CEMIP: variants seen among roughly 807,000 people sequenced by gnomAD.
CEMIP encodes the protein cell migration inducing hyaluronidase 1, also known as cell migration-inducing and hyaluronan-binding protein.
CEMIP carries 105 observed loss-of-function variants against 156.9 expected under a neutral mutation model. The observed-to-expected ratio is 0.67, with a 90% CI of 0.57 to 0.79. The LOEUF (loss-of-function observed/expected upper bound fraction) is 0.79. Among genes scored for constraint, CEMIP ranks in the 30% least tolerant of loss-of-function variants. The pLI, the probability that CEMIP is intolerant of heterozygous loss-of-function variation, is 0.00. For synonymous variants in CEMIP, 676 were observed against 668.4 expected, an observed-to-expected ratio of 1.01 and a Z score of -0.17; for missense variants, 1,457 against 1,769.4, an observed-to-expected ratio of 0.82 and a Z score of 3.17.
rs988758327 is a variant in CEMIP, at chr15:80,906,963, G to T, written c.1587+125G>T. The T allele has an allele frequency of 3.6e-5, 38 of 1,047,560 alleles. No individual in the cohort carries two copies. The highest frequency in any genetic ancestry group is 4.3e-6 in the Non-Finnish European group (3 of 697,482). The allele number at this position is 1,047,560 out of a possible 1,614,324, so 64.9% of individuals were successfully genotyped here. ...CAGGAGGTGGGATCAAGGGGAGGGC[G>T]CCTTCTGGAAGTTTGAGAAGTCTTA... is the stretch of plus-strand genomic sequence containing the variant. On this transcript the variant is annotated intron_variant, in intron 13 of 29. Coordinates refer to ENST00000394685, the MANE Select transcript of CEMIP (RefSeq NM_001293298.2). This position sits in a 1 kb window ranked among gnomAD's most constrained non-coding sequence, Gnocchi z 4.3.
intron 26 of CEMIP, 41 bp from the exon 27 acceptor site, chr15:80,942,210 C>A: frequency 6.4e-7 from 1 of 1,574,116 alleles, no homozygotes; most frequent in African/African-American, 1.3e-5. Context: ...GGAATGACTA[C>A]CCAAACCTAA....
rs1422586507 is a variant in CEMIP, at chr15:80,895,030, T to A, written c.1127T>A (p.Val376Asp). Residue 376 changes from valine to aspartate, a missense_variant, in exon 11 of 30, where the codon GTC (valine) becomes GAC (aspartate). Coordinates refer to ENST00000394685, the MANE Select transcript of CEMIP (RefSeq NM_001293298.2). ...MDGVNLSTEV[V>D]YKKGQDYRFA... ...GGAGTTAACCTCAGCACCGAGGTTG[T>A]CTACAAAAAAGGCCAGGATTATAGG... 1.2e-6 allele frequency: 2 copies of A among 1,614,028 alleles called. No homozygotes were observed. The highest frequency in any genetic ancestry group is 3.3e-5 in the Admixed American group (2 of 60,004).
At chr15:80,842,432 G>A (rs1897446290) in intron 1 of CEMIP, among the ~76,000 whole-genome samples, 1 of 152,084 alleles carries the variant, frequency 6.6e-6, no homozygotes, top group Admixed American at 6.6e-5. Context: ...GCAAGGTTGA[G>A]GATAAAGAGA....
intron 1 of CEMIP, among the ~76,000 whole-genome samples, chr15:80,864,906 G>C (rs1898084988): frequency 6.6e-6 from 1 of 152,178 alleles, no homozygotes; most frequent in Non-Finnish European, 1.5e-5. Flanking sequence ...AGTAGGTCTG[G>C]AGTGGGACTG....
At chr15:80,815,591 T>TCCTCCTTCCTTC (rs1436231296) in intron 1 of CEMIP, among the ~76,000 whole-genome samples, 1 of 152,014 alleles carries the variant, frequency 6.6e-6, no homozygotes, top group Admixed American at 6.6e-5. Context: ...TTCCTTCCTT[T>TCCTCCTTCCTTC]CCTCCTTCCT....
intron 24 of CEMIP, among the ~76,000 whole-genome samples, chr15:80,937,572 A>G (rs1901177170): frequency 6.6e-6 from 1 of 152,228 alleles, no homozygotes; most frequent in African/African-American, 2.4e-5. Flanking sequence ...CACACCAGTG[A>G]AGCATTCAGG....
rs369957960 is a variant in CEMIP at position 80,928,944 on chromosome 15, G to A, written c.2456+7G>A. The A allele has an allele frequency of 1.4e-5, 22 of 1,614,228 alleles. No homozygotes were observed. In the East Asian group the frequency reaches 3.3e-4, roughly 25 times the overall value. ...TTGGCCTGACCCTGGCCAGGTAAGG[G>A]CAACTGTCATTGTACTTGGTCCTCT... On this transcript the variant is annotated splice_region_variant and intron_variant, in intron 20 of 29. Transcript: ENST00000394685.
intron 3 of CEMIP, 24 bp downstream of exon 3, chr15:80,873,997 C>T (rs1263804754): frequency 5.2e-6 from 8 of 1,538,580 alleles, no homozygotes; most frequent in Non-Finnish European, 7.1e-6. Flanking sequence ...ACAGATGGAC[C>T]TCTGTATCTC....
In CEMIP at chr15:80,895,007, A is replaced by G. The variant is rs777149046; in HGVS notation, c.1104A>G (p.Gly368=). The G allele has an allele frequency of 2.5e-6, 4 of 1,613,954 alleles. No individual in the cohort carries two copies. Among genetic ancestry groups the G allele is most frequent in the Non-Finnish European group, 3.4e-6 (4 of 1,180,018 alleles). Residue 368 remains glycine, a synonymous_variant, in exon 11 of 30, where the codon GGA becomes GGG. Transcript: ENST00000394685. ...ATTCCCAGGCCACTACAATGGATGGAGTTAACCTCAGCACCGAGGTTGTCT... is the reference window on the plus strand; with the variant it reads ...ATTCCCAGGCCACTACAATGGATGGGGTTAACCTCAGCACCGAGGTTGTCT... ...PIDIQATTMD[G]VNLSTEVVYK... is the part of the protein sequence containing the mutation.
intron 1 of CEMIP, among the ~76,000 whole-genome samples, chr15:80,799,822 G>T (rs576760481): frequency 1.3e-5 from 2 of 152,200 alleles, no homozygotes; most frequent in East Asian, 1.9e-4. Flanking sequence ...GCCCTGACTT[G>T]ATCACAAATT....
intron 1 of CEMIP, among the ~76,000 whole-genome samples, chr15:80,855,855 A>G (rs1401169188): frequency 6.6e-6 from 1 of 152,192 alleles, no homozygotes; most frequent in Non-Finnish European, 1.5e-5. Context: ...ATCCCATTTT[A>G]TTGGAGTTCC....
chr15:80,884,771 C>T (rs1596157900), intron 7 of CEMIP, among the ~76,000 whole-genome samples: 1 of 152,112 alleles, frequency 6.6e-6, no homozygotes, highest in East Asian at 1.9e-4. Flanking sequence ...GGCAAATGAC[C>T]AAGGAGAAGC....
intron 7 of CEMIP, among the ~76,000 whole-genome samples, chr15:80,884,828 A>G (rs1898781436): frequency 6.6e-6 from 1 of 152,234 alleles, no homozygotes; most frequent in South Asian, 2.1e-4. Flanking sequence ...CTTGGAGTGC[A>G]GCATCATGCC....
intron 21 of CEMIP, among the ~76,000 whole-genome samples, chr15:80,930,221 A>G (rs1011616597): frequency 2.0e-5 from 3 of 152,288 alleles, no homozygotes; most frequent in African/African-American, 7.2e-5. Context: ...AGGCAAAATC[A>G]TGGTCTCCTT....
chr15:80,939,073 C>A (rs372030568), intron 25 of CEMIP, among the ~76,000 whole-genome samples: 1 of 152,318 alleles, frequency 6.6e-6, no homozygotes, highest in African/African-American at 2.4e-5. Flanking sequence ...ACAAGTGCTA[C>A]GCCAGCTGGG....
At chr15:80,853,448 G>C (rs910775127) in intron 1 of CEMIP, among the ~76,000 whole-genome samples, 1 of 152,154 alleles carries the variant, frequency 6.6e-6, no homozygotes, top group Non-Finnish European at 1.5e-5. Context: ...CTGAACAAGC[G>C]TGACTCTAGG....
chr15:80,910,506 A>G (rs1900010758), intron 14 of CEMIP, among the ~76,000 whole-genome samples: 1 of 152,214 alleles, frequency 6.6e-6, no homozygotes, highest in South Asian at 2.1e-4. Flanking sequence ...TCTGTGTGAC[A>G]CTAGTGTGGT....
chr15:80,909,301 T>C lies in CEMIP; in HGVS notation c.1792T>C (p.Leu598=). The C allele has an allele frequency of 6.2e-7, 1 of 1,613,996 alleles. No homozygotes were observed. The highest frequency in any genetic ancestry group is 8.5e-7 in the Non-Finnish European group (1 of 1,179,966). Residue 598 remains leucine (L), a synonymous_variant, in exon 14 of 30, where the codon TTG becomes CTG. Coordinates refer to ENST00000394685, the MANE Select transcript of CEMIP (RefSeq NM_001293298.2). ...CGTCACAGTCCATGGCTCCAATGGC[T>C]TGTTGGTAAGAACCTCCTTCCCTCA... ...RCVTVHGSNG[L]LIKDVVGYNS... is the part of the protein sequence containing the mutation.
In CEMIP at chr15:80,921,974, C is replaced by T. The variant is rs200881384; in HGVS notation, c.2074-35C>T. 16 of 1,613,484 alleles carry T rather than the reference C, an allele frequency of 9.9e-6. 1 individual carries two copies. Among genetic ancestry groups the T allele is most frequent in the Middle Eastern group, 3.5e-4 (2 of 5,774 alleles). The stretch of plus-strand genomic sequence containing the variant: ...TGCCCAGGAGCTCTCTGGGGCTGAA[C>T]GCTGTGGCTTTTCCCTTGTGTCCTT... On this transcript the variant is annotated intron_variant, in intron 16 of 29. Transcript: ENST00000394685.
Sources: allele counts gnomAD v4.1 joint callset (sites outside exome capture counted in the v4.1 genomes callset), GRCh38; gene constraint gnomAD v4.1.1; non-coding constraint Gnocchi (gnomAD v3.1); transcripts MANE v1.5; gene names NCBI Gene and HGNC (gene_info 2026-07-23, HGNC 2026-07-21).